AP2A2: variants seen among roughly 807,000 people sequenced by gnomAD.
The protein encoded by AP2A2 is AP-2 complex subunit alpha-2.
A neutral mutation model predicts 104.2 loss-of-function variants in AP2A2; 32 were observed. That is an observed-to-expected ratio of 0.31 (90% CI 0.23 to 0.41). AP2A2 has a LOEUF of 0.41. AP2A2 is among the 10% of genes least tolerant of loss of function. The probability of loss-of-function intolerance (pLI) is 1.00; values close to 1 mark genes in which losing one functional copy is unlikely to be tolerated. For synonymous variants in AP2A2, 539 were observed against 533.3 expected (o/e 1.01, Z -0.15); for missense variants, 912 against 1,261.0 (o/e 0.72, Z 4.19).
In AP2A2 at chr11:988,420, C is replaced by T. The variant is rs908801367; in HGVS notation, c.1132-132C>T. 7 of 1,216,286 alleles carry T rather than the reference C, an allele frequency of 5.8e-6. No homozygotes were observed. The African/African-American group carries it at 1.0e-4, about 18-fold the overall frequency. 75.3% of individuals were successfully genotyped at this position (1,216,286 alleles called of 1,614,324 possible). ...CACGTGGCCCGAGTGCAGGTCGGCT[C>T]CCTGGACCTGGATGTGCATGTGAGG... On this transcript the variant is annotated intron_variant, in intron 9 of 21. Transcript: ENST00000448903.
At chr11:983,507 C>T (rs374105925) in intron 6 of AP2A2, among the ~76,000 whole-genome samples, 10 of 152,128 alleles carry the variant, frequency 6.6e-5, no homozygotes, top group South Asian at 2.1e-4. Flanking sequence ...CTCAGCCTCT[C>T]GAGTAGCTGG....
chr11:940,769 T>C (rs760605521), intron 1 of AP2A2: 8 of 455,612 alleles, frequency 1.8e-5, no homozygotes, highest in Admixed American at 2.4e-5. Context: ...TGTCCACCCA[T>C]GTGTACCAGT....
At chr11:934,566 A>AC (rs1853391600) in intron 1 of AP2A2, among the ~76,000 whole-genome samples, 1 of 151,974 alleles carries the variant, frequency 6.6e-6, no homozygotes, top group African/African-American at 2.4e-5. Flanking sequence ...CTTTCTTCTC[A>AC]CCCACCCTAA....
intron 1 of AP2A2, chr11:940,640 T>C (rs887556043): frequency 1.4e-5 from 5 of 355,258 alleles, no homozygotes; most frequent in Non-Finnish European, 2.2e-5. Flanking sequence ...GGTGTTTCCT[T>C]TGGCGTTTCC....
At chr11:990,310 G>A (rs1276577870) in intron 10 of AP2A2, among the ~76,000 whole-genome samples, 1 of 152,190 alleles carries the variant, frequency 6.6e-6, no homozygotes, top group Non-Finnish European at 1.5e-5. Context: ...TCTGTAGAGG[G>A]GCCAGGCAGG....
At chr11:1,003,546 C>A in intron 15 of AP2A2, 176 bp from the exon 16 acceptor site, 1 of 508,232 alleles carries the variant, frequency 2.0e-6, no homozygotes. Context: ...GCTCACCGTC[C>A]TCCTCCAGTG....
intron 5 of AP2A2, among the ~76,000 whole-genome samples, chr11:977,956 C>A (rs769535101): frequency 6.6e-6 from 1 of 152,138 alleles, no homozygotes; most frequent in Non-Finnish European, 1.5e-5. Context: ...GGCGGGGGAG[C>A]CTTTCAGACG....
At chr11:927,816 CAAAAAA>C (rs35472837) in intron 1 of AP2A2, among the ~76,000 whole-genome samples, 6 of 68,838 alleles carry the variant, frequency 8.7e-5, no homozygotes, top group African/African-American at 3.7e-4. Context: ...ACCTTTCTCA[CAAAAAA>C]AAAAAAAAAA....
At chr11:983,017 CTTT>C (rs56742889) in intron 6 of AP2A2, among the ~76,000 whole-genome samples, 197 of 82,350 alleles carry the variant, frequency 2.4e-3, no homozygotes, top group African/African-American at 6.5e-3. Flanking sequence ...TTTTCTTTTT[CTTT>C]TTTTTTTTTT....
rs1855704584 is a variant in AP2A2, at chr11:992,783, C to T, written c.1452+98C>T. ...CCTGCCTGCGTGGAGGTGCCGAGGG[C>T]CGTTGCTGACCCCTCTTGCCCCTCA... On this transcript the variant is annotated intron_variant, in intron 11 of 21. Coordinates refer to ENST00000448903, the MANE Select transcript of AP2A2 (RefSeq NM_012305.4). This position sits in a 1 kb window ranked among gnomAD's most constrained non-coding sequence, Gnocchi z 6.4. 12 of 1,315,948 alleles carry T rather than the reference C, an allele frequency of 9.1e-6. No individual in the cohort carries two copies. Among genetic ancestry groups the T allele is most frequent in the Non-Finnish European group, 1.3e-5 (12 of 933,424 alleles). 81.5% of individuals were successfully genotyped at this position (1,315,948 alleles called of 1,614,324 possible).
At position 1,000,464 on chromosome 11, in the gene AP2A2, T is replaced by A; in HGVS notation, c.1989T>A (p.Gly663=). 6.5e-7 allele frequency: 1 copy of A among 1,542,226 alleles called. No individual in the cohort carries two copies. The highest frequency in any genetic ancestry group is 8.7e-7 in the Non-Finnish European group (1 of 1,147,360). Residue 663 remains glycine (G), a synonymous_variant, in exon 15 of 22, where the codon GGT becomes GGA. Transcript: ENST00000448903. The stretch of plus-strand genomic sequence containing the variant: ...CTTCTCCGTCGGCAGACCTGCTGGG[T>A]CTCGGGGCTGCCCCCCCTGCCCCCG... ...STPSPSADLL[G]LGAAPPAPAG...
intron 1 of AP2A2, among the ~76,000 whole-genome samples, chr11:953,525 G>T (rs1721856676): frequency 7.2e-6 from 1 of 139,772 alleles, no homozygotes; most frequent in Non-Finnish European, 1.6e-5. Flanking sequence ...CATGGTCTGG[G>T]TGGCTTTTCT....
Position 925,987 on chromosome 11 carries a change from G to C in AP2A2, c.-35G>C. The C allele has an allele frequency of 7.2e-7, 1 of 1,385,476 alleles. No homozygotes were observed. Among genetic ancestry groups the C allele is most frequent in the Non-Finnish European group, 9.5e-7 (1 of 1,054,392 alleles). 85.8% of individuals were successfully genotyped at this position (1,385,476 alleles called of 1,614,324 possible). A position where few individuals can be genotyped will look rare whatever the true frequency, so the allele number is the denominator to read the frequency against. On this transcript the variant is annotated 5_prime_UTR_variant, in exon 1 of 22. Coordinates refer to ENST00000448903, the MANE Select transcript of AP2A2 (RefSeq NM_012305.4). ...CCGCTCCCCGCGCTCCTCCGCCCGG[G>C]TCCGCCAGCCGAGGCCGCTCCCGAG...
At chr11:932,722 TG>T (rs1209890375) in intron 1 of AP2A2, 2 of 456,216 alleles carry the variant, frequency 4.4e-6, no homozygotes, top group Non-Finnish European at 8.8e-6. Context: ...TGGTGGTCAC[TG>T]CTTCTGGGAC....
At chr11:961,108 G>A (rs28506006) in intron 2 of AP2A2, among the ~76,000 whole-genome samples, 3,688 of 152,216 alleles carry the variant, frequency 0.024, 158 homozygotes, top group African/African-American at 0.084. Context: ...GGAGATGTGG[G>A]TCTGACAGTC....
intron 14 of AP2A2, among the ~76,000 whole-genome samples, chr11:994,555 C>T (rs1032839202): frequency 1.7e-4 from 25 of 144,178 alleles, no homozygotes; most frequent in Non-Finnish European, 3.5e-4. Context: ...TGGCCTGTCC[C>T]GGGGGCCACT....
At position 925,969 on chromosome 11, in the gene AP2A2, C is replaced by T; in HGVS notation, c.-53C>T. The T allele has an allele frequency of 7.5e-7, 1 of 1,342,088 alleles. No homozygotes were observed. The highest frequency in any genetic ancestry group is 9.8e-7 in the Non-Finnish European group (1 of 1,022,300). 83.1% of individuals were successfully genotyped at this position (1,342,088 alleles called of 1,614,324 possible). ...GACCGCACTCCCCGCTTCCCGCTCC[C>T]CGCGCTCCTCCGCCCGGGTCCGCCA... On this transcript the variant is annotated 5_prime_UTR_variant, in exon 1 of 22. Coordinates refer to ENST00000448903, the MANE Select transcript of AP2A2 (RefSeq NM_012305.4).
At chr11:954,408 TTG>T (rs923531669) in intron 1 of AP2A2, among the ~76,000 whole-genome samples, 13 of 152,234 alleles carry the variant, frequency 8.5e-5, no homozygotes, top group South Asian at 2.1e-4. Flanking sequence ...ATGTGTGTAT[TTG>T]TGTGTGTGTA....
intron 1 of AP2A2, among the ~76,000 whole-genome samples, chr11:941,526 C>G (rs1853642526): frequency 1.3e-5 from 2 of 151,540 alleles, no homozygotes; most frequent in South Asian, 4.2e-4. Flanking sequence ...AAGTGATTCT[C>G]TTGTCTCAGC....
Sources: allele counts gnomAD v4.1 joint callset (sites outside exome capture counted in the v4.1 genomes callset), GRCh38; gene constraint gnomAD v4.1.1; non-coding constraint Gnocchi (gnomAD v3.1); transcripts MANE v1.5; gene names NCBI Gene and HGNC (gene_info 2026-07-23, HGNC 2026-07-21).